Variants in IMPG1 observed in about 807,000 individuals in gnomAD.
The protein encoded by IMPG1 is interphotoreceptor matrix proteoglycan 1.
IMPG1 carries 85 observed loss-of-function variants against 92.0 expected under a neutral mutation model. That is an observed-to-expected ratio of 0.92 (90% CI 0.78 to 1.11). The LOEUF is 1.11. Among genes scored for constraint, IMPG1 ranks in the 50% least tolerant of loss-of-function variants. The probability of loss-of-function intolerance (pLI) is 0.00; values close to 1 mark genes in which losing one functional copy is unlikely to be tolerated. For synonymous variants in IMPG1, 367 were observed against 334.1 expected (o/e 1.10, Z -1.08); for missense variants, 1,022 against 956.0 (o/e 1.07, Z -0.91).
chr6:76,058,098 T>C (rs1401040525), intron 1 of IMPG1, among the ~76,000 whole-genome samples: 2 of 152,174 alleles, frequency 1.3e-5, no homozygotes, highest in East Asian at 3.9e-4. Context: ...CATTAACCCT[T>C]TACAAGATAC....
chr6:76,002,181 C>G lies in IMPG1; in HGVS notation c.1291+737G>C, dbSNP rs907771794. On this transcript the variant is annotated intron_variant, in intron 12 of 16. Coordinates refer to ENST00000369950, the MANE Select transcript of IMPG1 (RefSeq NM_001563.4). ...TTACTTGTAGTTTTACCACAGGGCT[C>G]TATAGAGTGGAAAGAATAGGGGTTC... 2.6e-5 allele frequency among the ~76,000 whole-genome samples: 4 copies of G among 152,098 alleles called. No homozygotes were observed. In the South Asian group the frequency reaches 8.3e-4, roughly 31 times the overall value.
chr6:75,931,889 C>T (rs550657561), intron 14 of IMPG1, among the ~76,000 whole-genome samples: 3 of 152,256 alleles, frequency 2.0e-5, no homozygotes, highest in East Asian at 3.9e-4. Context: ...GGCCAGTGGC[C>T]CCTGTTTGCC....
At chr6:76,044,272 A>C (rs78706612) in intron 1 of IMPG1, among the ~76,000 whole-genome samples, 1 of 152,208 alleles carries the variant, frequency 6.6e-6, no homozygotes, top group Non-Finnish European at 1.5e-5. Context: ...TATAGATTGC[A>C]ATAAACTTGT....
intron 2 of IMPG1, among the ~76,000 whole-genome samples, chr6:76,035,549 G>A (rs1443328600): frequency 6.9e-6 from 1 of 145,824 alleles, no homozygotes; most frequent in Non-Finnish European, 1.5e-5. Flanking sequence ...GGTGAACACA[G>A]ATTGTGTAGG....
rs1242404608 is a variant in IMPG1 at position 76,034,668 on chromosome 6, C to A, written c.421G>T (p.Gly141Ter). 23 of 1,613,952 alleles carry A rather than the reference C, an allele frequency of 1.4e-5. No individual in the cohort carries two copies. Among genetic ancestry groups the A allele is most frequent in the African/African-American group, 2.7e-5 (2 of 74,900 alleles). ...TCCTGGGAATTGCTGAAGTTTTTTC[C>A]AATGTCAAAGAGGCAGAAGGTCTCC... ...QQETFCLFDI[G>*]KNFSNSQEHL... is the part of the protein sequence containing the mutation. The change falls in exon 3 of 17, where the codon GGA becomes TGA. Residue 141 changes from glycine to a stop codon, truncating the protein, a stop_gained. Coordinates refer to ENST00000369950, the MANE Select transcript of IMPG1 (RefSeq NM_001563.4). LOFTEE classifies it high-confidence loss of function.
chr6:75,975,404 T>C (rs1782517505), intron 12 of IMPG1, among the ~76,000 whole-genome samples: 1 of 152,246 alleles, frequency 6.6e-6, no homozygotes, highest in Non-Finnish European at 1.5e-5. Context: ...TGAAAGATTA[T>C]GAAATGGGTT....
At chr6:75,985,334 A>C (rs1782696203) in intron 12 of IMPG1, among the ~76,000 whole-genome samples, 1 of 152,206 alleles carries the variant, frequency 6.6e-6, no homozygotes, top group Non-Finnish European at 1.5e-5. Context: ...GCAGAGAACA[A>C]GGGTGTCCCA....
intron 7 of IMPG1, among the ~76,000 whole-genome samples, chr6:76,017,070 C>A (rs1462195833): frequency 6.6e-6 from 1 of 151,478 alleles, no homozygotes; most frequent in Non-Finnish European, 1.5e-5. Context: ...TGGAGAAGGG[C>A]ATTCTAGACA....
chr6:76,062,871 T>C (rs964716021), intron 1 of IMPG1, among the ~76,000 whole-genome samples: 1 of 118,490 alleles, frequency 8.4e-6, no homozygotes, highest in African/African-American at 3.0e-5. Context: ...TTTTTTTTTT[T>C]TCCCCTAGTA....
At chr6:76,036,753 A>G in intron 2 of IMPG1, among the ~76,000 whole-genome samples, 1 of 152,216 alleles carries the variant, frequency 6.6e-6, no homozygotes. Context: ...GAATTTGCTC[A>G]CGTATCTGTT....
At chr6:76,013,197 C>A (rs1783220583) in intron 7 of IMPG1, among the ~76,000 whole-genome samples, 1 of 152,018 alleles carries the variant, frequency 6.6e-6, no homozygotes, top group Non-Finnish European at 1.5e-5. Flanking sequence ...ACTAACAGTT[C>A]ATTGCTGGAC....
intron 12 of IMPG1, among the ~76,000 whole-genome samples, chr6:75,972,701 C>T (rs1004896833): frequency 6.6e-6 from 1 of 152,144 alleles, no homozygotes; most frequent in Non-Finnish European, 1.5e-5. Context: ...GTTTTATACT[C>T]GAACTTTACC....
chr6:75,927,474 A>G (rs1279253598), intron 15 of IMPG1, among the ~76,000 whole-genome samples: 3 of 152,096 alleles, frequency 2.0e-5, no homozygotes, highest in Non-Finnish European at 4.4e-5. Flanking sequence ...AACAGAAATA[A>G]CTGATGGGAG....
intron 1 of IMPG1, 90 bp downstream of exon 1, chr6:76,072,332 C>A (rs1320537): frequency 1 from 680,402 of 680,864 alleles, 339,970 homozygotes; most frequent in East Asian, 1. Context: ...CCCGTGAGAT[C>A]AATTGGTAGC....
intron 12 of IMPG1, 149 bp downstream of exon 12, chr6:76,002,769 G>A: frequency 1.6e-6 from 1 of 643,512 alleles, no homozygotes; most frequent in Non-Finnish European, 2.9e-6. Context: ...TTAGTTCAAT[G>A]GACTGCTTTT....
intron 1 of IMPG1, among the ~76,000 whole-genome samples, chr6:76,064,358 C>A (rs1784266242): frequency 8.8e-6 from 1 of 113,558 alleles, no homozygotes; most frequent in Non-Finnish European, 1.8e-5. Context: ...CATGGGGCAA[C>A]CATTTTTTTT....
chr6:76,004,119 T>C (rs1204400866), intron 10 of IMPG1, among the ~76,000 whole-genome samples, 169 bp from the exon 11 acceptor site: 1 of 152,174 alleles, frequency 6.6e-6, no homozygotes, highest in African/African-American at 2.4e-5. Context: ...ATCTGAATGA[T>C]ATATTGAAGG....
At chr6:76,001,707 C>T (rs1782992640) in intron 12 of IMPG1, among the ~76,000 whole-genome samples, 1 of 152,122 alleles carries the variant, frequency 6.6e-6, no homozygotes, top group Admixed American at 6.5e-5. Flanking sequence ...TTGAGATATT[C>T]CAGCTGACAC....
At chr6:75,981,801 G>A (rs1782632355) in intron 12 of IMPG1, among the ~76,000 whole-genome samples, 2 of 152,208 alleles carry the variant, frequency 1.3e-5, no homozygotes, top group Admixed American at 6.5e-5. Flanking sequence ...GAATGCAAGA[G>A]ACTAATTCTA....
Sources: gnomAD v4.1 joint callset for allele counts (sites outside exome capture counted in the v4.1 genomes callset) on GRCh38, gnomAD v4.1.1 for gene constraint, MANE v1.5 for transcripts, NCBI Gene and HGNC (gene_info 2026-07-23, HGNC 2026-07-21) for gene names.